The following TG variants were observed in gnomAD, a reference collection of about 807,000 sequenced individuals.
The protein encoded by TG is thyroglobulin.
In TG, 270 loss-of-function variants were observed where a neutral mutation model predicts 324.7. The ratio of observed to expected loss-of-function variants is 0.83; its 90% CI spans 0.75 to 0.92. The LOEUF (loss-of-function observed/expected upper bound fraction) is 0.92. TG is among the 40% of genes least tolerant of loss of function. The pLI is 0.00. For synonymous variants in TG, 1,401 were observed against 1,327.0 expected (o/e 1.06, Z -1.21); for missense variants, 3,591 against 3,456.4 (o/e 1.04, Z -0.98).
In TG at chr8:132,897,779, TG is replaced by T; in HGVS notation, c.3135del (p.Thr1046LeufsTer7). 1 of 1,614,180 alleles carries T rather than the reference TG, an allele frequency of 6.2e-7. No individual in the cohort carries two copies. The highest frequency in any genetic ancestry group is 1.1e-5 in the South Asian group (1 of 91,084). The stretch of plus-strand genomic sequence containing the variant: ...GTTGGGAGCCTGTGCAGTGCCACGC[TG>T]GGACTGGTAAGGAGGGATAGGCACC... Reference protein sequence around the residue: ...GSWEPVQCHAGTGHCWCVDEK... With the variant: ...GSWEPVQCHAXTGHCWCVDEK... On this transcript the variant is annotated frameshift_variant, in exon 12 of 48. Coordinates refer to ENST00000220616, the MANE Select transcript of TG (RefSeq NM_003235.5). LOFTEE classifies it high-confidence loss of function.
chr8:133,101,991 G>A (rs759989412), intron 43 of TG, among the ~76,000 whole-genome samples: 3 of 152,238 alleles, frequency 2.0e-5, no homozygotes, highest in Non-Finnish European at 4.4e-5. Flanking sequence ...TTCCCTATCT[G>A]TGAAGTTGGG....
intron 39 of TG, among the ~76,000 whole-genome samples, chr8:133,020,189 C>G (rs1317119389): frequency 6.6e-6 from 1 of 152,202 alleles, no homozygotes; most frequent in Non-Finnish European, 1.5e-5. Context: ...TCGCCGTGTT[C>G]CAAAGCCAGT....
rs768950214 is a variant in TG, at chr8:132,911,541, T to C, written c.4159+8T>C. 12 of 1,608,142 alleles carry C rather than the reference T, an allele frequency of 7.5e-6. No individual in the cohort carries two copies. In the African/African-American group the frequency reaches 1.3e-4, roughly 18 times the overall value. On this transcript the variant is annotated splice_region_variant and intron_variant, in intron 19 of 47. Transcript: ENST00000220616. Reference sequence around the variant, plus strand: ...CTGACTTACATGACATTGGTATGTTTTTCTGTGGTAGTACCTAGAATAAGC... The same window carrying C: ...CTGACTTACATGACATTGGTATGTTCTTCTGTGGTAGTACCTAGAATAAGC...
intron 41 of TG, among the ~76,000 whole-genome samples, chr8:133,077,735 ATG>A (rs34749093): frequency 0.045 from 6,676 of 148,074 alleles, 369 homozygotes; most frequent in African/African-American, 0.14. Context: ...TCTGGTGTGT[ATG>A]TGTGTGTGTG....
intron 41 of TG, among the ~76,000 whole-genome samples, chr8:133,035,486 CTATT>C (rs1346062677): frequency 9.2e-5 from 14 of 152,034 alleles, no homozygotes; most frequent in African/African-American, 3.4e-4. Flanking sequence ...ATCTATCTAC[CTATT>C]TATTTATTTA....
chr8:132,877,094 T>G (rs1264107236), intron 5 of TG, among the ~76,000 whole-genome samples: 3 of 152,214 alleles, frequency 2.0e-5, no homozygotes, highest in Admixed American at 6.5e-5. Context: ...GGTGGTTGGC[T>G]ATGCATCAGG....
chr8:133,094,263 T>TTTAC (rs1848066170), intron 41 of TG, among the ~76,000 whole-genome samples: 113 of 143,914 alleles, frequency 7.9e-4, no homozygotes, highest in Non-Finnish European at 1.2e-3. Context: ...TTTTTTTTGA[T>TTTAC]GGAGTCTTGC....
At chr8:133,020,882 C>T (rs753456388) in intron 39 of TG, among the ~76,000 whole-genome samples, 2 of 152,168 alleles carry the variant, frequency 1.3e-5, no homozygotes, top group East Asian at 1.9e-4. Context: ...TGTTTGCTCA[C>T]GTGAGGGGGC....
intron 12 of TG, 95 bp downstream of exon 12, chr8:132,897,881 C>G (rs747590162): frequency 2.8e-6 from 4 of 1,448,036 alleles, no homozygotes; most frequent in African/African-American, 1.4e-5. Flanking sequence ...GAGCTGGACT[C>G]TTAGGCTCCT....
intron 43 of TG, among the ~76,000 whole-genome samples, chr8:133,103,923 A>G (rs1849560888): frequency 6.6e-6 from 1 of 152,370 alleles, no homozygotes; most frequent in African/African-American, 2.4e-5. Flanking sequence ...AAGTAAATAA[A>G]GAATTTCAGA....
intron 35 of TG, among the ~76,000 whole-genome samples, chr8:133,001,252 C>G (rs1290170966): frequency 1.3e-5 from 2 of 152,180 alleles, no homozygotes; most frequent in Admixed American, 6.5e-5. Context: ...CCCATGACAC[C>G]TACTGTCACC....
At chr8:132,906,537 C>G in intron 16 of TG, 151 bp from the exon 17 acceptor site, 1 of 855,492 alleles carries the variant, frequency 1.2e-6, no homozygotes, top group Non-Finnish European at 1.8e-6. Context: ...GGGGAGCAGG[C>G]CCAGGCCAGG....
At position 133,019,606 on chromosome 8, in the gene TG, A is replaced by G. The variant is rs780160683; in HGVS notation, c.6787A>G (p.Ser2263Gly). The G allele has an allele frequency of 6.2e-7, 1 of 1,613,628 alleles. No individual in the cohort carries two copies. Among genetic ancestry groups the G allele is most frequent in the Non-Finnish European group, 8.5e-7 (1 of 1,179,694 alleles). The change falls in exon 39 of 48, where the codon AGC (serine) becomes GGC (glycine). Residue 2263 changes from serine to glycine, a missense_variant. Physicochemically the swap from Ser to Gly is moderately conservative, Grantham distance 56 (BLOSUM62 0). Coordinates refer to ENST00000220616, the MANE Select transcript of TG (RefSeq NM_003235.5). ...GSWDASKPRA[S>G]CWQPGTRTST... ...TCACCCAGTCTGTATCTGCAGGGCCAGCTGCTGGCAGCCAGGCACCAGAAC... is the reference window on the plus strand; with the variant it reads ...TCACCCAGTCTGTATCTGCAGGGCCGGCTGCTGGCAGCCAGGCACCAGAAC...
chr8:132,924,434 G>T (rs1268406502), intron 22 of TG, among the ~76,000 whole-genome samples: 4 of 152,108 alleles, frequency 2.6e-5, no homozygotes, highest in Non-Finnish European at 4.4e-5. Context: ...TAATTGCTGG[G>T]TGATCTAGAG....
intron 41 of TG, among the ~76,000 whole-genome samples, chr8:133,039,415 A>G (rs1428625451): frequency 6.6e-6 from 1 of 152,196 alleles, no homozygotes; most frequent in South Asian, 2.1e-4. Flanking sequence ...CATGTCTCGC[A>G]TAATTTTGAT....
chr8:133,053,140 T>C (rs1197045169), intron 41 of TG, among the ~76,000 whole-genome samples: 1 of 152,154 alleles, frequency 6.6e-6, no homozygotes, highest in Non-Finnish European at 1.5e-5. Flanking sequence ...TTCCCACCTT[T>C]GTCAACTCTA....
chr8:132,933,704 T>C, intron 24 of TG, 28 bp downstream of exon 24: 1 of 1,601,070 alleles, frequency 6.2e-7, no homozygotes, highest in Non-Finnish European at 8.6e-7. Flanking sequence ...CGTGTGGTTC[T>C]GCTCCTCATC....
chr8:133,001,893 A>G (rs1180081071), intron 35 of TG: 1 of 985,330 alleles, frequency 1.0e-6, no homozygotes, highest in African/African-American at 1.7e-5. Context: ...TTTCCCAGCT[A>G]TTCCATATTC....
In TG at chr8:132,880,752, T is replaced by C. The variant is rs150491823; in HGVS notation, c.639-1111T>C. On this transcript the variant is annotated intron_variant, in intron 5 of 47. Coordinates refer to ENST00000220616, the MANE Select transcript of TG (RefSeq NM_003235.5). ...ACTGATTCAGTTGTACAGTTGTAATTGCAATACATGTATATGGCATTTTAT... is the reference window on the plus strand; with the variant it reads ...ACTGATTCAGTTGTACAGTTGTAATCGCAATACATGTATATGGCATTTTAT... Among the ~76,000 whole-genome samples the C allele has an allele frequency of 1.2e-4, 19 of 152,358 alleles. No individual in the cohort carries two copies. In the East Asian group the frequency reaches 3.7e-3, roughly 29 times the overall value.
Sources: gnomAD v4.1 joint callset for allele counts (sites outside exome capture counted in the v4.1 genomes callset) on GRCh38, gnomAD v4.1.1 for gene constraint, MANE v1.5 for transcripts, NCBI Gene and HGNC (gene_info 2026-07-23, HGNC 2026-07-21) for gene names.